The following ATF6 variants were observed in gnomAD, a reference collection of about 807,000 sequenced individuals.
ATF6 encodes the protein cyclic AMP-dependent transcription factor ATF-6 alpha.
Under a neutral mutation model 83.6 loss-of-function variants are expected in ATF6, and 53 were observed. The observed-to-expected ratio is 0.63, with a 90% confidence interval of 0.51 to 0.80. The LOEUF (loss-of-function observed/expected upper bound fraction) is 0.80. Ranked by LOEUF, ATF6 falls within the 30% of genes least tolerant of loss-of-function variation. The probability of loss-of-function intolerance (pLI) is 0.00; values close to 1 mark genes in which losing one functional copy is unlikely to be tolerated. For synonymous variants in ATF6, 288 were observed against 285.8 expected (o/e 1.01, Z -0.08); for missense variants, 744 against 797.9 (o/e 0.93, Z 0.81).
intron 15 of ATF6, among the ~76,000 whole-genome samples, chr1:161,916,243 CCTCT>C (rs1688099190): frequency 6.6e-6 from 1 of 152,138 alleles, no homozygotes; most frequent in Non-Finnish European, 1.5e-5. Flanking sequence ...CTAACTATTC[CCTCT>C]TTTTTTTAGT....
chr1:161,867,304 A>AG (rs1687027497), intron 14 of ATF6, among the ~76,000 whole-genome samples: 1 of 152,104 alleles, frequency 6.6e-6, no homozygotes, highest in Admixed American at 6.5e-5. Context: ...CAAAAAAAAA[A>AG]TGCTTTTGTA....
At chr1:161,880,592 G>A (rs952773675) in intron 14 of ATF6, among the ~76,000 whole-genome samples, 1 of 152,078 alleles carries the variant, frequency 6.6e-6, no homozygotes, top group Non-Finnish European at 1.5e-5. Flanking sequence ...CCATGGTGTT[G>A]CTTGTATCAG....
At chr1:161,942,220 A>T (rs966852962) in intron 15 of ATF6, among the ~76,000 whole-genome samples, 2 of 152,216 alleles carry the variant, frequency 1.3e-5, no homozygotes, top group Non-Finnish European at 2.9e-5. Context: ...CCATCACAGG[A>T]AAACAGCAAT....
intron 7 of ATF6, among the ~76,000 whole-genome samples, chr1:161,803,693 AT>A (rs1446039943): frequency 6.6e-6 from 1 of 152,232 alleles, no homozygotes; most frequent in Non-Finnish European, 1.5e-5. Context: ...TGTTAAAAAA[AT>A]GACAATAACA....
chr1:161,871,413 A>G (rs1306981308), intron 14 of ATF6, among the ~76,000 whole-genome samples: 1 of 151,646 alleles, frequency 6.6e-6, no homozygotes, highest in Non-Finnish European at 1.5e-5. Context: ...CTGGGTGACC[A>G]AATAATCCAT....
chr1:161,912,328 C>T lies in ATF6; in HGVS notation c.1752C>T (p.Asn584=). ...TGCTGTTACCAGCTACCACCCATAA[C>T]AAGACCACAAGACCAAAAATGTCAA... is the stretch of plus-strand genomic sequence containing the variant. ...DHLLLPATTH[N]KTTRPKMSIV... is the part of the protein sequence containing the mutation. The change falls in exon 15 of 16, where the codon AAC becomes AAT. Residue 584 remains asparagine (N), a synonymous_variant. Coordinates refer to ENST00000367942, the MANE Select transcript of ATF6 (RefSeq NM_007348.4). The T allele has an allele frequency of 6.2e-7, 1 of 1,608,480 alleles. No individual in the cohort carries two copies. The highest frequency in any genetic ancestry group is 8.5e-7 in the Non-Finnish European group (1 of 1,177,752).
chr1:161,924,638 G>T (rs906785705), intron 15 of ATF6, among the ~76,000 whole-genome samples: 2 of 152,168 alleles, frequency 1.3e-5, no homozygotes, highest in African/African-American at 4.8e-5. Flanking sequence ...TGAGACAAAT[G>T]TAACCTGCAC....
intron 6 of ATF6, among the ~76,000 whole-genome samples, chr1:161,792,723 A>G (rs947793615): frequency 9.2e-5 from 14 of 152,226 alleles, no homozygotes; most frequent in Non-Finnish European, 2.1e-4. Flanking sequence ...ATAGCAATAG[A>G]ATCACACCCT....
chr1:161,794,156 G>A (rs1263228070), intron 6 of ATF6, among the ~76,000 whole-genome samples: 2 of 152,154 alleles, frequency 1.3e-5, no homozygotes, highest in African/African-American at 4.8e-5. Flanking sequence ...CGCCTGCCTC[G>A]GCCTCCCAAA....
chr1:161,921,971 G>A (rs1688221728), intron 15 of ATF6, among the ~76,000 whole-genome samples: 1 of 140,984 alleles, frequency 7.1e-6, no homozygotes, highest in Non-Finnish European at 1.5e-5. Context: ...AGAAAGATGA[G>A]CCCTCTTTCT....
intron 7 of ATF6, among the ~76,000 whole-genome samples, chr1:161,812,371 CTTTTTTTTTTTTTTTTTTTTTTTTTTTT>C (rs869240831): frequency 8.7e-5 from 3 of 34,340 alleles, no homozygotes; most frequent in African/African-American, 2.0e-4. Flanking sequence ...CAGGTATTTT[CTTTTTTTTTTTTTTTTTTTTTTTTTTTT>C]TTTTTTTTTT....
intron 4 of ATF6, among the ~76,000 whole-genome samples, chr1:161,785,422 G>A (rs1684721673): frequency 2.0e-5 from 3 of 152,096 alleles, no homozygotes; most frequent in Non-Finnish European, 4.4e-5. Flanking sequence ...ACAAAAGGTA[G>A]CATACTGTAT....
At chr1:161,799,192 G>T (rs1342447906) in intron 6 of ATF6, among the ~76,000 whole-genome samples, 1 of 152,120 alleles carries the variant, frequency 6.6e-6, no homozygotes, top group Non-Finnish European at 1.5e-5. Flanking sequence ...ATGCCCATCA[G>T]TGGTGAACTG....
At chr1:161,812,940 A>G (rs1685511284) in intron 7 of ATF6, among the ~76,000 whole-genome samples, 3 of 152,110 alleles carry the variant, frequency 2.0e-5, no homozygotes, top group Non-Finnish European at 4.4e-5. Context: ...GTTAGGATTC[A>G]AGCCTAGCTC....
intron 2 of ATF6, among the ~76,000 whole-genome samples, chr1:161,778,903 A>G (rs1040049389): frequency 6.6e-6 from 1 of 152,152 alleles, no homozygotes. Flanking sequence ...ATTTTGTCTT[A>G]TTCTTTAATG....
intron 14 of ATF6, among the ~76,000 whole-genome samples, chr1:161,887,917 C>T (rs938916884): frequency 6.6e-6 from 1 of 152,178 alleles, no homozygotes; most frequent in Non-Finnish European, 1.5e-5. Context: ...TGACATTCTA[C>T]CACCTGTTAG....
At chr1:161,848,212 G>A (rs1488789820) in intron 10 of ATF6, among the ~76,000 whole-genome samples, 1 of 151,906 alleles carries the variant, frequency 6.6e-6, no homozygotes, top group Non-Finnish European at 1.5e-5. Flanking sequence ...TTAAATAAAT[G>A]TCAGTCCATT....
At chr1:161,851,875 TC>T in intron 11 of ATF6, 40 bp downstream of exon 11, 1 of 1,498,996 alleles carries the variant, frequency 6.7e-7, no homozygotes, top group Non-Finnish European at 9.3e-7. Context: ...CTGAGTTGGT[TC>T]CCATGTTTAG....
intron 12 of ATF6, among the ~76,000 whole-genome samples, chr1:161,856,882 T>C (rs1686778260): frequency 6.6e-6 from 1 of 152,212 alleles, no homozygotes; most frequent in Non-Finnish European, 1.5e-5. Flanking sequence ...ACTGTCTTTG[T>C]TCATTTGGAG....
Sources: gnomAD v4.1 joint callset for allele counts (sites outside exome capture counted in the v4.1 genomes callset) on GRCh38, gnomAD v4.1.1 for gene constraint, MANE v1.5 for transcripts, NCBI Gene and HGNC (gene_info 2026-07-23, HGNC 2026-07-21) for gene names.